OR5AK2: variants seen among roughly 807,000 people sequenced by gnomAD.
The protein encoded by OR5AK2 is olfactory receptor 5AK2.
For missense variants in OR5AK2, 438 were observed against 366.3 expected (o/e 1.20, Z -1.60); for synonymous variants, 176 against 128.2 (o/e 1.37, Z -2.52).
Position 56,989,098 on chromosome 11 carries a change from T to G in OR5AK2, c.185T>G (p.Phe62Cys), listed in dbSNP as rs767517034. 5 of 1,614,064 alleles carry G rather than the reference T, an allele frequency of 3.1e-6. No individual in the cohort carries two copies. The South Asian group carries it at 5.5e-5, about 18-fold the overall frequency. Residue 62 changes from phenylalanine (F) to cysteine (C), a missense_variant, in exon 1 of 1, where the codon TTT becomes TGT. Phe to Cys is a radical substitution (Grantham distance 205). Transcript: ENST00000326855. ...DSRFQTLTYF[F>C]LQHLAFVDIC... ...AGATTTCAAACACTCACGTACTTTTTTCTACAACATTTGGCTTTTGTTGAT... is the reference window on the plus strand; with the variant it reads ...AGATTTCAAACACTCACGTACTTTTGTCTACAACATTTGGCTTTTGTTGAT...
chr11:56,989,208 A>G lies in OR5AK2; in HGVS notation c.295A>G (p.Ile99Val), dbSNP rs768555441. ...TTTGATGTTATTTCAGGGCTGTGTG[A>G]TACAATTCTTAGTTTATGCAACATT... ...KNLMLFQGCV[I>V]QFLVYATFAT... The change falls in exon 1 of 1, where the codon ATA becomes GTA. Residue 99 changes from isoleucine (I) to valine (V), a missense_variant. By Grantham distance (29) the Ile-to-Val change is conservative. Coordinates refer to ENST00000326855, the MANE Select transcript of OR5AK2 (RefSeq NM_001005323.1). 3 of 1,614,118 alleles carry G rather than the reference A, an allele frequency of 1.9e-6. No individual in the cohort carries two copies. Among genetic ancestry groups the G allele is most frequent in the South Asian group, 1.1e-5 (1 of 91,084 alleles).
rs998236723 is a variant in OR5AK2, at chr11:56,989,501, C to T, written c.588C>T (p.Ile196=). 1 of 1,613,828 alleles carries T rather than the reference C, an allele frequency of 6.2e-7. No individual in the cohort carries two copies. The highest frequency in any genetic ancestry group is 1.1e-5 in the South Asian group (1 of 91,076). The part of the protein sequence containing the change: ...ALSCSNVDIN[I]MLLVVFVGSN... ...CATGCTCCAATGTTGACATCAACAT[C>T]ATGCTACTTGTTGTCTTTGTGGGAT... The change falls in exon 1 of 1, where the codon ATC becomes ATT. Residue 196 remains isoleucine, a synonymous_variant. Coordinates refer to ENST00000326855, the MANE Select transcript of OR5AK2 (RefSeq NM_001005323.1).
chr11:56,989,603 T>C lies in OR5AK2; in HGVS notation c.690T>C (p.Ser230=). The C allele has an allele frequency of 6.2e-7, 1 of 1,614,112 alleles. No individual in the cohort carries two copies. Among genetic ancestry groups the C allele is most frequent in the African/African-American group, 1.3e-5 (1 of 75,056 alleles). The change falls in exon 1 of 1, where the codon TCT becomes TCC. Residue 230 remains serine (S), a synonymous_variant. Transcript: ENST00000326855. The part of the protein sequence containing the change: ...YIMATILKMS[S]SAGRKKSFST... ...TGGCCACCATCCTGAAAATGTCTTC[T>C]AGTGCAGGAAGGAAAAAATCCTTCT...
In OR5AK2 at chr11:56,989,490, G is replaced by T. The variant is rs1339207412; in HGVS notation, c.577G>T (p.Asp193Tyr). ...PILALSCSNV[D>Y]INIMLLVVFV... ...TCTTGCTCTTTCATGCTCCAATGTT[G>T]ACATCAACATCATGCTACTTGTTGT... Residue 193 changes from aspartate to tyrosine, a missense_variant, in exon 1 of 1, where the codon GAC becomes TAC. Transcript: ENST00000326855. The T allele has an allele frequency of 6.2e-7, 1 of 1,614,062 alleles. No individual in the cohort carries two copies. Among genetic ancestry groups the T allele is most frequent in the South Asian group, 1.1e-5 (1 of 91,074 alleles).
chr11:56,989,784 A>G lies in OR5AK2; in HGVS notation c.871A>G (p.Ser291Gly), dbSNP rs1358574899. The part of the protein sequence containing the change: ...VIPMLNPLIY[S>G]LRNKEVKEAL... ...TCCCATGTTAAATCCTTTAATCTAT[A>G]GCTTGAGAAATAAGGAAGTAAAAGA... is the stretch of plus-strand genomic sequence containing the variant. The change falls in exon 1 of 1, where the codon AGC becomes GGC. Residue 291 changes from serine (S) to glycine (G), a missense_variant. Coordinates refer to ENST00000326855, the MANE Select transcript of OR5AK2 (RefSeq NM_001005323.1). 2.5e-6 allele frequency: 4 copies of G among 1,606,778 alleles called. No individual in the cohort carries two copies. Among genetic ancestry groups the G allele is most frequent in the Non-Finnish European group, 2.5e-6 (3 of 1,177,190 alleles).
rs1219617972 is a variant in OR5AK2, at chr11:56,989,251, AT to A, written c.339del (p.Leu114SerfsTer4). ...GCAACATTTGCAACCAGTGACTGTTATCTCCTGGCTATGATGGCAGTGGATC... is the reference window on the plus strand; with the variant it reads ...GCAACATTTGCAACCAGTGACTGTTACTCCTGGCTATGATGGCAGTGGATC... ...VYATFATSDC[Y>X]LLAMMAVDPY... is the part of the protein sequence containing the mutation. On this transcript the variant is annotated frameshift_variant, in exon 1 of 1. Coordinates refer to ENST00000326855, the MANE Select transcript of OR5AK2 (RefSeq NM_001005323.1). LOFTEE classifies it low-confidence loss of function (END_TRUNC). 5.0e-6 allele frequency: 8 copies of A among 1,613,950 alleles called. No homozygotes were observed. Among genetic ancestry groups the A allele is most frequent in the Non-Finnish European group, 6.8e-6 (8 of 1,179,940 alleles).
rs773410386 is a variant in OR5AK2 at position 56,989,461 on chromosome 11, CT to C, written c.549del (p.Ile184PhefsTer24). The part of the protein sequence containing the change: ...SINHFFCDVP[P>X]ILALSCSNVD... ...AATCACTTTTTCTGTGATGTTCCCC[CT>C]ATTCTTGCTCTTTCATGCTCCAATG... On this transcript the variant is annotated frameshift_variant, in exon 1 of 1. Coordinates refer to ENST00000326855, the MANE Select transcript of OR5AK2 (RefSeq NM_001005323.1). LOFTEE classifies it low-confidence loss of function (END_TRUNC). 31 of 1,614,134 alleles carry C rather than the reference CT, an allele frequency of 1.9e-5. No individual in the cohort carries two copies. The highest frequency in any genetic ancestry group is 3.3e-4 in the Middle Eastern group (2 of 6,062).
Position 56,989,226 on chromosome 11 carries a change from G to T in OR5AK2, c.313G>T (p.Ala105Ser). The change falls in exon 1 of 1, where the codon GCA becomes TCA. Residue 105 changes from alanine (A) to serine (S), a missense_variant. Physicochemically the swap from Ala to Ser is moderately conservative, Grantham distance 99 (BLOSUM62 1). Coordinates refer to ENST00000326855, the MANE Select transcript of OR5AK2 (RefSeq NM_001005323.1). ...QGCVIQFLVY[A>S]TFATSDCYLL... Reference sequence around the variant, plus strand: ...CTGTGTGATACAATTCTTAGTTTATGCAACATTTGCAACCAGTGACTGTTA... The same window carrying T: ...CTGTGTGATACAATTCTTAGTTTATTCAACATTTGCAACCAGTGACTGTTA... 2.5e-6 allele frequency: 4 copies of T among 1,614,066 alleles called. No individual in the cohort carries two copies. Among genetic ancestry groups the T allele is most frequent in the Non-Finnish European group, 3.4e-6 (4 of 1,179,944 alleles).
At position 56,989,451 on chromosome 11, in the gene OR5AK2, G is replaced by A. The variant is rs1464140256; in HGVS notation, c.538G>A (p.Asp180Asn). Residue 180 changes from aspartate to asparagine, a missense_variant, in exon 1 of 1, where the codon GAT becomes AAT. Coordinates refer to ENST00000326855, the MANE Select transcript of OR5AK2 (RefSeq NM_001005323.1). ...CAATAGCATCAATCACTTTTTCTGT[G>A]ATGTTCCCCCTATTCTTGCTCTTTC... ...KSNSINHFFC[D>N]VPPILALSCS... 1 of 1,614,122 alleles carries A rather than the reference G, an allele frequency of 6.2e-7. No homozygotes were observed. The highest frequency in any genetic ancestry group is 1.1e-5 in the South Asian group (1 of 91,076).
Position 56,988,934 on chromosome 11 carries a change from T to G in OR5AK2, c.21T>G (p.Thr7=), listed in dbSNP as rs1861639054. The G allele has an allele frequency of 6.2e-7, 1 of 1,609,270 alleles. No individual in the cohort carries two copies. Among genetic ancestry groups the G allele is most frequent in the South Asian group, 1.1e-5 (1 of 90,128 alleles). MTLGNS[T]EVTEFYLLGF... Reference sequence around the variant, plus strand: ...TAGCCATGACACTAGGAAACAGCACTGAAGTCACTGAATTCTATCTTCTGG... The same window carrying G: ...TAGCCATGACACTAGGAAACAGCACGGAAGTCACTGAATTCTATCTTCTGG... Residue 7 remains threonine (T), a synonymous_variant, in exon 1 of 1, where the codon ACT becomes ACG. Transcript: ENST00000326855.
chr11:56,989,058 A>G lies in OR5AK2; in HGVS notation c.145A>G (p.Ile49Val), dbSNP rs1345521702. 1.2e-6 allele frequency: 2 copies of G among 1,613,972 alleles called. No homozygotes were observed. ...IMGNSGIILL[I>V]NTDSRFQTLT... ...GGGTAATAGTGGAATAATCTTACTCATCAACACAGATTCCAGATTTCAAAC... is the reference window on the plus strand; with the variant it reads ...GGGTAATAGTGGAATAATCTTACTCGTCAACACAGATTCCAGATTTCAAAC... The change falls in exon 1 of 1, where the codon ATC (isoleucine) becomes GTC (valine). Residue 49 changes from isoleucine to valine, a missense_variant. Ile to Val is a conservative substitution (Grantham distance 29). Transcript: ENST00000326855.
chr11:56,989,450 T>C lies in OR5AK2; in HGVS notation c.537T>C (p.Cys179=). The part of the protein sequence containing the change: ...CKSNSINHFF[C]DVPPILALSC... The stretch of plus-strand genomic sequence containing the variant: ...CCAATAGCATCAATCACTTTTTCTG[T>C]GATGTTCCCCCTATTCTTGCTCTTT... Residue 179 remains cysteine, a synonymous_variant, in exon 1 of 1, where the codon TGT becomes TGC. Transcript: ENST00000326855. 1 of 1,614,184 alleles carries C rather than the reference T, an allele frequency of 6.2e-7. No individual in the cohort carries two copies. Among genetic ancestry groups the C allele is most frequent in the Non-Finnish European group, 8.5e-7 (1 of 1,180,008 alleles).
rs1208916671 is a variant in OR5AK2, at chr11:56,989,015, C to G, written c.102C>G (p.Ile34Met). Residue 34 changes from isoleucine to methionine, a missense_variant, in exon 1 of 1, where the codon ATC (isoleucine) becomes ATG (methionine). Physicochemically the swap from Ile to Met is conservative, Grantham distance 10. Coordinates refer to ENST00000326855, the MANE Select transcript of OR5AK2 (RefSeq NM_001005323.1). ...TCCTCTTCATTGTATTCCTTCTCAT[C>G]TATGTGACCTCCATAATGGGTAATA... The part of the protein sequence containing the change: ...WCILFIVFLL[I>M]YVTSIMGNSG... The G allele has an allele frequency of 6.2e-7, 1 of 1,612,798 alleles. No homozygotes were observed. Among genetic ancestry groups the G allele is most frequent in the East Asian group, 2.2e-5 (1 of 44,852 alleles).
rs13343184 is a variant in OR5AK2 at position 56,988,923 on chromosome 11, G to T, written c.10G>T (p.Gly4Ter). The T allele has an allele frequency of 3.0e-3, 4,784 of 1,598,572 alleles. 159 individuals are homozygous for T. In the South Asian group the frequency reaches 0.049, roughly 16 times the overall value. ...TAGACTTTTACTAGCCATGACACTA[G>T]GAAACAGCACTGAAGTCACTGAATT... is the stretch of plus-strand genomic sequence containing the variant. MTL[G>*]NSTEVTEFYL... Residue 4 changes from glycine to a stop codon, truncating the protein, a stop_gained, in exon 1 of 1, where the codon GGA becomes TGA. Coordinates refer to ENST00000326855, the MANE Select transcript of OR5AK2 (RefSeq NM_001005323.1). LOFTEE classifies it low-confidence loss of function (END_TRUNC).
rs1861653840 is a variant in OR5AK2, at chr11:56,989,653, C to T, written c.740C>T (p.Ala247Val). The T allele has an allele frequency of 5.0e-6, 8 of 1,614,042 alleles. No homozygotes were observed. The highest frequency in any genetic ancestry group is 1.1e-5 in the South Asian group (1 of 91,072). Residue 247 changes from alanine to valine, a missense_variant, in exon 1 of 1, where the codon GCA (alanine) becomes GTA (valine). By Grantham distance (64) the Ala-to-Val change is moderately conservative. Transcript: ENST00000326855. Reference sequence around the variant, plus strand: ...TCAACATGTGCTTCCCACCTGACCGCAGTCACCATTTTCTATGGGACACTC... The same window carrying T: ...TCAACATGTGCTTCCCACCTGACCGTAGTCACCATTTTCTATGGGACACTC... The part of the protein sequence containing the change: ...SFSTCASHLT[A>V]VTIFYGTLSY...
rs1431040436 is a variant in OR5AK2 at position 56,989,697 on chromosome 11, T to A, written c.784T>A (p.Ser262Thr). Residue 262 changes from serine (S) to threonine (T), a missense_variant, in exon 1 of 1, where the codon TCT (serine) becomes ACT (threonine). By Grantham distance (58) the Ser-to-Thr change is moderately conservative. Transcript: ENST00000326855. ...GACACTCTCTTACATGTATTTGCAG[T>A]CTCATTCTAATAATTCCCAGGAAAA... is the stretch of plus-strand genomic sequence containing the variant. Reference protein sequence around the residue: ...YGTLSYMYLQSHSNNSQENMK... With the variant: ...YGTLSYMYLQTHSNNSQENMK... 1 of 1,613,916 alleles carries A rather than the reference T, an allele frequency of 6.2e-7. No individual in the cohort carries two copies. Among genetic ancestry groups the A allele is most frequent in the African/African-American group, 1.3e-5 (1 of 74,938 alleles).
rs375194168 is a variant in OR5AK2, at chr11:56,989,147, T to C, written c.234T>C (p.Thr78=). The change falls in exon 1 of 1, where the codon ACT becomes ACC. Residue 78 remains threonine, a synonymous_variant. Transcript: ENST00000326855. Reference sequence around the variant, plus strand: ...ATATCTGTTACACTTCTGCTATCACTCCCAAGATGCTCCAAAGCTTCACAG... The same window carrying C: ...ATATCTGTTACACTTCTGCTATCACCCCCAAGATGCTCCAAAGCTTCACAG... ...FVDICYTSAI[T]PKMLQSFTEE... The C allele has an allele frequency of 1.1e-5, 18 of 1,613,644 alleles. No individual in the cohort carries two copies. In the East Asian group the frequency reaches 3.6e-4, roughly 32 times the overall value.
Position 56,989,152 on chromosome 11 carries a change from A to C in OR5AK2, c.239A>C (p.Lys80Thr). The C allele has an allele frequency of 6.2e-7, 1 of 1,613,920 alleles. No homozygotes were observed. Residue 80 changes from lysine (K) to threonine (T), a missense_variant, in exon 1 of 1, where the codon AAG becomes ACG. Lys to Thr is a moderately conservative substitution (Grantham distance 78, BLOSUM62 -1). Coordinates refer to ENST00000326855, the MANE Select transcript of OR5AK2 (RefSeq NM_001005323.1). Reference protein sequence around the residue: ...DICYTSAITPKMLQSFTEEKN... With the variant: ...DICYTSAITPTMLQSFTEEKN... Reference sequence around the variant, plus strand: ...TGTTACACTTCTGCTATCACTCCCAAGATGCTCCAAAGCTTCACAGAAGAA... The same window carrying C: ...TGTTACACTTCTGCTATCACTCCCACGATGCTCCAAAGCTTCACAGAAGAA...
rs941137091 is a variant in OR5AK2 at position 56,989,012 on chromosome 11, C to T, written c.99C>T (p.Leu33=). Residue 33 remains leucine (L), a synonymous_variant, in exon 1 of 1, where the codon CTC becomes CTT. Transcript: ENST00000326855. ...FWCILFIVFL[L]IYVTSIMGNS... Reference sequence around the variant, plus strand: ...GTATCCTCTTCATTGTATTCCTTCTCATCTATGTGACCTCCATAATGGGTA... The same window carrying T: ...GTATCCTCTTCATTGTATTCCTTCTTATCTATGTGACCTCCATAATGGGTA... 3.1e-6 allele frequency: 5 copies of T among 1,612,854 alleles called. No homozygotes were observed. The African/African-American group carries it at 6.7e-5, about 22-fold the overall frequency.
Sources: allele counts gnomAD v4.1 joint callset, GRCh38; gene constraint gnomAD v4.1.1; transcripts MANE v1.5; gene names NCBI Gene and HGNC (gene_info 2026-07-23, HGNC 2026-07-21).